Variants in RBFOX1 observed in about 807,000 individuals in gnomAD.
RBFOX1 encodes RNA binding protein fox-1 homolog 1.
Under a neutral mutation model 57.7 loss-of-function variants are expected in RBFOX1, and 8 were observed. The ratio of observed to expected loss-of-function variants is 0.14; its 90% CI spans 0.08 to 0.25. RBFOX1 has a LOEUF of 0.25. RBFOX1 is among the 10% of genes least tolerant of loss of function. The probability of loss-of-function intolerance (pLI) is 1.00; values close to 1 mark genes in which losing one functional copy is unlikely to be tolerated. For missense variants in RBFOX1, 611 were observed against 548.5 expected (o/e 1.11, Z -1.14); for synonymous variants, 326 against 222.4 (o/e 1.47, Z -4.15).
chr16:6,927,371 C>T (rs929608840), intron 3 of RBFOX1, among the ~76,000 whole-genome samples: 4 of 141,668 alleles, frequency 2.8e-5, no homozygotes, highest in African/African-American at 5.5e-5. Flanking sequence ...TGAGATCGCA[C>T]CGCTCCACTC....
At chr16:7,651,183 G>A (rs956542378) in intron 11 of RBFOX1, among the ~76,000 whole-genome samples, 9 of 152,204 alleles carry the variant, frequency 5.9e-5, no homozygotes, top group Admixed American at 4.6e-4. Flanking sequence ...AGATGCGGTA[G>A]AATCCATAGA....
At chr16:6,834,287 G>C (rs575246651) in intron 3 of RBFOX1, among the ~76,000 whole-genome samples, 1 of 151,962 alleles carries the variant, frequency 6.6e-6, no homozygotes, top group Non-Finnish European at 1.5e-5. Flanking sequence ...CGTTGGCCAG[G>C]CTGGTCTCAA....
intron 2 of RBFOX1, among the ~76,000 whole-genome samples, chr16:6,411,381 G>A (rs181767791): frequency 6.6e-6 from 1 of 152,308 alleles, no homozygotes; most frequent in East Asian, 1.9e-4. Flanking sequence ...ATATGTTTAT[G>A]ACTGCTGTTT....
intron 5 of RBFOX1, among the ~76,000 whole-genome samples, chr16:7,574,974 T>G (rs2152803926): frequency 6.6e-6 from 1 of 151,550 alleles, no homozygotes; most frequent in East Asian, 2.0e-4. Flanking sequence ...CTTTATATGT[T>G]TGGTGGAGAG....
intron 2 of RBFOX1, among the ~76,000 whole-genome samples, chr16:6,515,006 A>G (rs17352151): frequency 0.034 from 5,205 of 152,226 alleles, 293 homozygotes; most frequent in African/African-American, 0.12. Flanking sequence ...ATAACAGTGT[A>G]GTATTAGCAC....
intron 1 of RBFOX1, among the ~76,000 whole-genome samples, chr16:5,278,328 G>A (rs1210423981): frequency 2.6e-5 from 4 of 152,102 alleles, no homozygotes; most frequent in Admixed American, 6.5e-5. Flanking sequence ...TTTTTTGATA[G>A]TTTCTTTTGC....
intron 4 of RBFOX1, among the ~76,000 whole-genome samples, chr16:7,479,275 C>T (rs1439085744): frequency 2.0e-5 from 3 of 151,904 alleles, no homozygotes; most frequent in South Asian, 2.1e-4. Flanking sequence ...AGGCATGCAC[C>T]ACCACACTGG....
chr16:5,344,847 C>T (rs570060853), intron 1 of RBFOX1, among the ~76,000 whole-genome samples: 6 of 152,184 alleles, frequency 3.9e-5, no homozygotes, highest in Non-Finnish European at 7.4e-5. Flanking sequence ...CATTTCAGGT[C>T]TCATCATGGA....
intron 3 of RBFOX1, among the ~76,000 whole-genome samples, chr16:6,950,776 TA>T (rs1310653103): frequency 6.6e-6 from 1 of 152,200 alleles, no homozygotes; most frequent in East Asian, 1.9e-4. Flanking sequence ...TTTCACTTAA[TA>T]TTGTGGCAGA....
intron 3 of RBFOX1, chr16:7,004,132 G>T (rs561315679): frequency 6.6e-6 from 1 of 151,362 alleles, no homozygotes; most frequent in Non-Finnish European, 1.5e-5. Context: ...GTTTTGTTTT[G>T]TACTTAATAG....
At chr16:5,599,041 T>C in exon 3 of RBFOX1, 2 of 1,240,254 alleles carry the variant, frequency 1.6e-6, no homozygotes, top group South Asian at 1.3e-5. Context: ...GTCTCCGTCA[T>C]CAATCACCGG....
chr16:7,468,240 G>T (rs150887108), intron 4 of RBFOX1, among the ~76,000 whole-genome samples: 1 of 152,106 alleles, frequency 6.6e-6, no homozygotes, highest in Non-Finnish European at 1.5e-5. Context: ...CTGCATACCC[G>T]CCCGACCTTT....
At chr16:5,510,352 G>T (rs2043539586) in intron 2 of RBFOX1, among the ~76,000 whole-genome samples, 1 of 152,170 alleles carries the variant, frequency 6.6e-6, no homozygotes, top group African/African-American at 2.4e-5. Context: ...CAGGGGGTCT[G>T]CCTGGTGTCT....
intron 4 of RBFOX1, among the ~76,000 whole-genome samples, chr16:7,245,768 G>A (rs778755656): frequency 2.0e-5 from 3 of 152,158 alleles, no homozygotes; most frequent in Non-Finnish European, 4.4e-5. Flanking sequence ...ACTTCGGGTT[G>A]CCCTTTTTGT....
At chr16:7,491,578 C>G (rs187375453) in intron 4 of RBFOX1, among the ~76,000 whole-genome samples, 124 of 151,836 alleles carry the variant, frequency 8.2e-4, no homozygotes, top group African/African-American at 2.7e-3. Context: ...AGTTCTGTCT[C>G]TCTCTAAATT....
chr16:7,031,812 G>T (rs2042874879), intron 3 of RBFOX1, among the ~76,000 whole-genome samples: 1 of 152,076 alleles, frequency 6.6e-6, no homozygotes, highest in Admixed American at 6.6e-5. Context: ...ATGGGGCCTG[G>T]CTCACATGTA....
intron 4 of RBFOX1, among the ~76,000 whole-genome samples, chr16:7,220,041 G>C (rs916571916): frequency 6.6e-6 from 1 of 152,050 alleles, no homozygotes; most frequent in Non-Finnish European, 1.5e-5. Flanking sequence ...AAAATTAAAG[G>C]TGTCTTAAAT....
intron 3 of RBFOX1, among the ~76,000 whole-genome samples, chr16:5,851,463 C>T (rs2056895597): frequency 6.6e-6 from 1 of 152,178 alleles, no homozygotes; most frequent in Admixed American, 6.5e-5. Flanking sequence ...CTCTGCACTG[C>T]CAGGGACGGC....
intron 3 of RBFOX1, among the ~76,000 whole-genome samples, chr16:6,722,692 T>G (rs1189872015): frequency 6.6e-6 from 1 of 152,228 alleles, no homozygotes; most frequent in Non-Finnish European, 1.5e-5. Flanking sequence ...CTCTTGCAGT[T>G]GCACAACCCA....
Sources: gnomAD v4.1 joint callset for allele counts (sites outside exome capture counted in the v4.1 genomes callset) on GRCh38, gnomAD v4.1.1 for gene constraint, MANE v1.5 for transcripts, NCBI Gene and HGNC (gene_info 2026-07-23, HGNC 2026-07-21) for gene names.